The following IQGAP1 variants were observed in gnomAD, a reference collection of about 807,000 sequenced individuals.
The protein encoded by IQGAP1 is ras GTPase-activating-like protein IQGAP1.
IQGAP1 carries 66 observed loss-of-function variants against 215.6 expected under a neutral mutation model. The observed-to-expected ratio is 0.31, with a 90% CI of 0.25 to 0.38. The LOEUF (loss-of-function observed/expected upper bound fraction) is 0.38. Ranked by LOEUF, IQGAP1 falls within the 10% of genes least tolerant of loss-of-function variation. The pLI is 1.00. For synonymous variants in IQGAP1, 772 were observed against 728.7 expected (o/e 1.06, Z -0.96); for missense variants, 1,712 against 1,997.1 (o/e 0.86, Z 2.72).
intron 2 of IQGAP1, among the ~76,000 whole-genome samples, chr15:90,425,599 T>C (rs932260942): frequency 1.3e-5 from 2 of 152,226 alleles, no homozygotes; most frequent in African/African-American, 4.8e-5. Context: ...AGGAGTTTCT[T>C]TTAATATTTT....
intron 11 of IQGAP1, among the ~76,000 whole-genome samples, chr15:90,450,330 C>CTTTTTTTTTTTTTTTTTTT (rs869037347): frequency 9.2e-5 from 5 of 54,424 alleles, no homozygotes; most frequent in Admixed American, 2.7e-4. Context: ...TATACACTAC[C>CTTTTTTTTTTTTTTTTTTT]TTTTTTTTTT....
chr15:90,471,066 T>G (rs1344840084), intron 18 of IQGAP1, among the ~76,000 whole-genome samples: 1 of 152,088 alleles, frequency 6.6e-6, no homozygotes, highest in African/African-American at 2.4e-5. Flanking sequence ...CGTTAGCCCT[T>G]TTCCCCACCA....
chr15:90,479,229 T>C (rs1966022105), intron 26 of IQGAP1, among the ~76,000 whole-genome samples: 2 of 152,236 alleles, frequency 1.3e-5, no homozygotes, highest in African/African-American at 4.8e-5. Flanking sequence ...CTGATACTTT[T>C]TTTTTCATAG....
intron 2 of IQGAP1, among the ~76,000 whole-genome samples, chr15:90,413,985 A>G (rs890771969): frequency 6.6e-6 from 1 of 151,982 alleles, no homozygotes; most frequent in Admixed American, 6.6e-5. Flanking sequence ...TTTTGTTCTT[A>G]TTCCTGTATC....
At chr15:90,478,276 C>CCACCA (rs1296329887) in intron 26 of IQGAP1, among the ~76,000 whole-genome samples, 1 of 152,172 alleles carries the variant, frequency 6.6e-6, no homozygotes, top group Non-Finnish European at 1.5e-5. Flanking sequence ...CAGCTGTGAG[C>CCACCA]CACCACACCC....
At chr15:90,439,814 T>C (rs1307655453) in intron 6 of IQGAP1, among the ~76,000 whole-genome samples, 1 of 152,158 alleles carries the variant, frequency 6.6e-6, no homozygotes, top group Non-Finnish European at 1.5e-5. Flanking sequence ...GATGCCAATT[T>C]AGTAATTTTA....
Position 90,473,901 on chromosome 15 carries a change from G to A in IQGAP1, c.2439G>A (p.Gln813=), listed in dbSNP as rs1295733403. The change falls in exon 21 of 38, where the codon CAG becomes CAA. Residue 813 remains glutamine, a synonymous_variant. Coordinates refer to ENST00000268182, the MANE Select transcript of IQGAP1 (RefSeq NM_003870.4). ...RSHKDEVVKI[Q]SLARMHQARK... ...CCAGGATCCCTTTTCCACAGATTCA[G>A]TCCCTGGCAAGGATGCACCAAGCTC... 4 of 1,613,820 alleles carry A rather than the reference G, an allele frequency of 2.5e-6. No homozygotes were observed. Among genetic ancestry groups the A allele is most frequent in the Non-Finnish European group, 3.4e-6 (4 of 1,179,964 alleles).
At chr15:90,423,864 T>C (rs1965183232) in intron 2 of IQGAP1, among the ~76,000 whole-genome samples, 1 of 152,218 alleles carries the variant, frequency 6.6e-6, no homozygotes, top group African/African-American at 2.4e-5. Context: ...TGGGAGATGT[T>C]ACCATGGGCT....
chr15:90,425,933 G>T (rs186478337), intron 2 of IQGAP1, among the ~76,000 whole-genome samples, 177 bp from the exon 3 acceptor site: 1 of 152,198 alleles, frequency 6.6e-6, no homozygotes, highest in African/African-American at 2.4e-5. Flanking sequence ...TAAGTTCCCC[G>T]CCTCTGAGAT....
At chr15:90,476,488 A>G (rs1364479379) in intron 23 of IQGAP1, among the ~76,000 whole-genome samples, 175 bp from the exon 24 acceptor site, 3 of 152,178 alleles carry the variant, frequency 2.0e-5, no homozygotes, top group African/African-American at 7.2e-5. Context: ...ATAGGAATGG[A>G]TTTGACTGGT....
Position 90,487,586 on chromosome 15 carries a change from A to C in IQGAP1, c.4248+4A>C, listed in dbSNP as rs191097856. The C allele has an allele frequency of 3.2e-5, 52 of 1,602,290 alleles. No homozygotes were observed. In the East Asian group the frequency reaches 1.1e-3, roughly 34 times the overall value. On this transcript the variant is annotated splice_donor_region_variant and intron_variant, in intron 33 of 37. Transcript: ENST00000268182. ...AACACCAGCCACCAGTGAACAGGTA[A>C]AATTTAGGGTCTAACATACTCCTTT...
intron 2 of IQGAP1, among the ~76,000 whole-genome samples, chr15:90,416,699 T>A (rs1312790230): frequency 6.6e-6 from 1 of 151,742 alleles, no homozygotes; most frequent in Non-Finnish European, 1.5e-5. Context: ...TGCCTCAGCC[T>A]CCCGAGTAGC....
At chr15:90,427,948 T>C (rs576663981) in intron 3 of IQGAP1, among the ~76,000 whole-genome samples, 9 of 152,364 alleles carry the variant, frequency 5.9e-5, no homozygotes, top group African/African-American at 2.2e-4. Flanking sequence ...TTATGTTTTA[T>C]GTTTAAATTC....
chr15:90,474,193 G>T, intron 22 of IQGAP1, 60 bp downstream of exon 22: 1 of 1,444,650 alleles, frequency 6.9e-7, no homozygotes, highest in Non-Finnish European at 9.5e-7. Flanking sequence ...CAAGTTCAGG[G>T]TATTCTCCAC....
chr15:90,421,384 G>T (rs1965133428), intron 2 of IQGAP1, among the ~76,000 whole-genome samples: 1 of 151,692 alleles, frequency 6.6e-6, no homozygotes, highest in Non-Finnish European at 1.5e-5. Context: ...GCTGAGGCAG[G>T]AGAATTGCTT....
chr15:90,474,870 T>A (rs1192786913), intron 23 of IQGAP1, 177 bp downstream of exon 23: 1 of 592,040 alleles, frequency 1.7e-6, no homozygotes, highest in Non-Finnish European at 3.0e-6. Flanking sequence ...TGTAGTGCGA[T>A]GTGATCTCAG....
rs532652434 is a variant in IQGAP1 at position 90,449,021 on chromosome 15, CATTGGGGAAAACCTGAAT to C, written c.1077+289_1077+306del. ...GCTGTCTCTCTCTCCAACTAAAAGA[CATTGGGGAAAACCTGAAT>C]ATTTTTGCATTCTTACGTCAGGAAT... is the stretch of plus-strand genomic sequence containing the variant. On this transcript the variant is annotated intron_variant, in intron 10 of 37. Transcript: ENST00000268182. Among the ~76,000 whole-genome samples, 787 of 152,230 alleles carry C rather than the reference CATTGGGGAAAACCTGAAT, an allele frequency of 5.2e-3. 5 individuals carry two copies. Among genetic ancestry groups the C allele is most frequent in the African/African-American group, 0.018 (754 of 41,514 alleles).
chr15:90,477,564 C>A (rs764283155), intron 25 of IQGAP1, 101 bp from the exon 26 acceptor site: 13 of 877,060 alleles, frequency 1.5e-5, no homozygotes, highest in Non-Finnish European at 2.2e-5. Flanking sequence ...GGGAATGTTT[C>A]GAGAGAAACT....
At chr15:90,410,704 GA>G (rs1471705517) in intron 2 of IQGAP1, among the ~76,000 whole-genome samples, 10 of 150,048 alleles carry the variant, frequency 6.7e-5, no homozygotes, top group East Asian at 4.0e-4. Flanking sequence ...GGGGAGGGGA[GA>G]GGGGGGAGGG....
Sources: allele counts gnomAD v4.1 joint callset (sites outside exome capture counted in the v4.1 genomes callset), GRCh38; gene constraint gnomAD v4.1.1; transcripts MANE v1.5; gene names NCBI Gene and HGNC (gene_info 2026-07-23, HGNC 2026-07-21).